CDC42SE2: variants seen among roughly 807,000 people sequenced by gnomAD.
CDC42SE2 encodes CDC42 small effector protein 2.
Under a neutral mutation model 11.5 loss-of-function variants are expected in CDC42SE2, and 3 were observed. The observed-to-expected ratio is 0.26, with a 90% CI of 0.12 to 0.67. CDC42SE2 has a LOEUF of 0.67. CDC42SE2 is among the 30% of genes least tolerant of loss of function. The probability of loss-of-function intolerance (pLI) is 0.80; values close to 1 mark genes in which losing one functional copy is unlikely to be tolerated. For synonymous variants in CDC42SE2, 33 were observed against 34.8 expected (o/e 0.95, Z 0.18); for missense variants, 82 against 106.8 (o/e 0.77, Z 1.02).
intron 1 of CDC42SE2, among the ~76,000 whole-genome samples, chr5:131,272,795 A>G (rs1054097011): frequency 7.9e-5 from 12 of 152,148 alleles, no homozygotes; most frequent in African/African-American, 1.9e-4. Context: ...ATCCACTACA[A>G]TCTGCTTTTT....
At chr5:131,292,135 A>C (rs1341870241) in intron 1 of CDC42SE2, among the ~76,000 whole-genome samples, 1 of 143,726 alleles carries the variant, frequency 7.0e-6, no homozygotes, top group African/African-American at 2.6e-5. Context: ...ACTACTCGGG[A>C]GGCTGAGGCA....
intron 3 of CDC42SE2, among the ~76,000 whole-genome samples, chr5:131,384,301 G>T (rs1750410165): frequency 6.6e-6 from 1 of 152,184 alleles, no homozygotes; most frequent in South Asian, 2.1e-4. Context: ...CACTTTTGTG[G>T]TTTTGTAGAA....
intron 1 of CDC42SE2, among the ~76,000 whole-genome samples, chr5:131,279,451 TC>T (rs35644276): frequency 0.27 from 18,549 of 68,674 alleles, 2,496 homozygotes; most frequent in African/African-American, 0.47. Context: ...TTCTCAGCCC[TC>T]CCCCCCCCCC....
At chr5:131,328,561 T>C (rs535829836) in intron 2 of CDC42SE2, among the ~76,000 whole-genome samples, 55 of 152,288 alleles carry the variant, frequency 3.6e-4, no homozygotes, top group Non-Finnish European at 6.5e-4. Context: ...TACTTGATCC[T>C]TTTTCATGGT....
the CDC42SE2 span, among the ~76,000 whole-genome samples, chr5:131,219,617 C>G: frequency 6.6e-6 from 1 of 152,162 alleles, no homozygotes; most frequent in Non-Finnish European, 1.5e-5. Flanking sequence ...CTTACAAAAA[C>G]ATCATGTTGT....
intron 1 of CDC42SE2, among the ~76,000 whole-genome samples, chr5:131,310,529 C>G (rs2149723782): frequency 6.6e-6 from 1 of 151,936 alleles, no homozygotes; most frequent in South Asian, 2.1e-4. Context: ...ATTGATCTGT[C>G]TAATGTTGAC....
At chr5:131,223,438 G>GC in the CDC42SE2 span, among the ~76,000 whole-genome samples, 2 of 152,112 alleles carry the variant, frequency 1.3e-5, no homozygotes, top group African/African-American at 4.8e-5. Flanking sequence ...AAACACTGTT[G>GC]CTTTCTTGTG....
At chr5:131,263,278 A>C (rs999057196), upstream of CDC42SE2, among the ~76,000 whole-genome samples, 1 of 152,140 alleles carries the variant, frequency 6.6e-6, no homozygotes, top group African/African-American at 2.4e-5. Context: ...CCATCAACCT[A>C]GAATGGGGAA....
At chr5:131,286,749 T>C (rs1757350162) in intron 1 of CDC42SE2, among the ~76,000 whole-genome samples, 1 of 152,042 alleles carries the variant, frequency 6.6e-6, no homozygotes, top group Non-Finnish European at 1.5e-5. Flanking sequence ...TTCTCTTCTT[T>C]ATGATTTTCT....
intron 4 of CDC42SE2, among the ~76,000 whole-genome samples, chr5:131,390,147 T>TA (rs1180436414): frequency 6.6e-6 from 1 of 152,216 alleles, no homozygotes; most frequent in African/African-American, 2.4e-5. Flanking sequence ...AGAGGATAAA[T>TA]AGTTTACCCA....
At chr5:131,389,848 C>T (rs1750595485) in intron 4 of CDC42SE2, among the ~76,000 whole-genome samples, 1 of 152,156 alleles carries the variant, frequency 6.6e-6, no homozygotes, top group African/African-American at 2.4e-5. Flanking sequence ...CTAGTTAGGC[C>T]ATCACCTCCA....
intron 4 of CDC42SE2, among the ~76,000 whole-genome samples, chr5:131,390,086 G>A (rs867359703): frequency 2.6e-5 from 4 of 152,144 alleles, no homozygotes; most frequent in Admixed American, 1.3e-4. Context: ...CAATGTGGTC[G>A]GGAGAGATTA....
At chr5:131,254,569 A>C (rs1258004093) in intron 1 of CDC42SE2, among the ~76,000 whole-genome samples, 1 of 151,986 alleles carries the variant, frequency 6.6e-6, no homozygotes, top group Non-Finnish European at 1.5e-5. Context: ...GACAGAAAGA[A>C]AAAGAAAGAA....
chr5:131,232,504 G>A, the CDC42SE2 span, among the ~76,000 whole-genome samples: 742 of 151,864 alleles, frequency 4.9e-3, 6 homozygotes, highest in Middle Eastern at 0.02. Context: ...AGGCTGAGGC[G>A]GGTGGATTAC....
intron 1 of CDC42SE2, among the ~76,000 whole-genome samples, chr5:131,254,313 G>T (rs989322147): frequency 6.6e-6 from 1 of 152,052 alleles, no homozygotes; most frequent in African/African-American, 2.4e-5. Context: ...AGCCTGACGC[G>T]GGTGGATCAC....
chr5:131,312,208 A>T (rs1438464293), intron 1 of CDC42SE2, among the ~76,000 whole-genome samples: 1 of 148,414 alleles, frequency 6.7e-6, no homozygotes, highest in Non-Finnish European at 1.5e-5. Context: ...TTGCTGTGTG[A>T]GGTGTCAGTG....
chr5:131,363,266 GAAAAA>G (rs35198617), intron 3 of CDC42SE2, among the ~76,000 whole-genome samples: 1 of 138,986 alleles, frequency 7.2e-6, no homozygotes, highest in Non-Finnish European at 1.6e-5. Flanking sequence ...CTGATTTACA[GAAAAA>G]AAAAAAAAAG....
intron 1 of CDC42SE2, among the ~76,000 whole-genome samples, chr5:131,252,296 A>G (rs1273598780): frequency 6.6e-6 from 1 of 152,210 alleles, no homozygotes; most frequent in East Asian, 1.9e-4. Context: ...ATCTACTCTT[A>G]AAGCAACATC....
At chr5:131,368,125 C>T (rs556043328) in intron 3 of CDC42SE2, among the ~76,000 whole-genome samples, 37 of 151,900 alleles carry the variant, frequency 2.4e-4, no homozygotes, top group African/African-American at 7.7e-4. Flanking sequence ...TGGTGGCGGA[C>T]GCCTGTGGTC....
Sources: gnomAD v4.1 joint callset for allele counts (sites outside exome capture counted in the v4.1 genomes callset) on GRCh38, gnomAD v4.1.1 for gene constraint, MANE v1.5 for transcripts, NCBI Gene and HGNC (gene_info 2026-07-23, HGNC 2026-07-21) for gene names.